Variants in PTPRM observed in about 807,000 individuals in gnomAD.
PTPRM encodes the protein receptor-type tyrosine-protein phosphatase mu.
PTPRM carries 47 observed loss-of-function variants against 186.7 expected under a neutral mutation model. The ratio of observed to expected loss-of-function variants is 0.25; its 90% CI spans 0.20 to 0.32. The LOEUF is 0.32. Ranked by LOEUF, PTPRM falls within the 10% of genes least tolerant of loss-of-function variation. The pLI, the probability that PTPRM is intolerant of heterozygous loss-of-function variation, is 1.00. For synonymous variants in PTPRM, 668 were observed against 674.9 expected (o/e 0.99, Z 0.16); for missense variants, 1,494 against 1,865.0 (o/e 0.80, Z 3.66).
chr18:7,802,233 C>G (rs998207975), intron 2 of PTPRM, among the ~76,000 whole-genome samples: 2 of 152,178 alleles, frequency 1.3e-5, no homozygotes, highest in African/African-American at 4.8e-5. Flanking sequence ...TCTGTTTGCT[C>G]AGGGTCCCGC....
intron 2 of PTPRM, among the ~76,000 whole-genome samples, chr18:7,862,541 G>A (rs1387384151): frequency 6.6e-6 from 1 of 152,098 alleles, no homozygotes; most frequent in Non-Finnish European, 1.5e-5. Flanking sequence ...CACCTCCCAG[G>A]GATTTCTCTG....
rs1235046826 is a variant in PTPRM at position 7,688,411 on chromosome 18, A to C, written c.74-85738A>C. On this transcript the variant is annotated intron_variant, in intron 1 of 32. Transcript: ENST00000580170. ...AGGAAAGATTCTGTGGGGGAAATACACAAGATGGTCCTTCCAGAAAAGCTG... is the reference window on the plus strand; with the variant it reads ...AGGAAAGATTCTGTGGGGGAAATACCCAAGATGGTCCTTCCAGAAAAGCTG... 3.3e-5 allele frequency among the ~76,000 whole-genome samples: 5 copies of C among 152,228 alleles called. No homozygotes were observed. In the South Asian group the frequency reaches 1.0e-3, roughly 32 times the overall value.
chr18:8,042,881 G>A (rs1464545847), intron 7 of PTPRM, among the ~76,000 whole-genome samples: 2 of 152,074 alleles, frequency 1.3e-5, no homozygotes, highest in Non-Finnish European at 2.9e-5. Flanking sequence ...TCTTGGTCCA[G>A]GCCTCATGTA....
At chr18:7,780,350 A>C (rs1316026270) in intron 2 of PTPRM, among the ~76,000 whole-genome samples, 1 of 152,180 alleles carries the variant, frequency 6.6e-6, no homozygotes, top group Non-Finnish European at 1.5e-5. Flanking sequence ...GACAGCCTTC[A>C]CTTTTGTTCT....
In PTPRM at chr18:7,578,332, ATT is replaced by A. The variant is rs34096793; in HGVS notation, c.73+10461_73+10462del. Among the ~76,000 whole-genome samples, 131 of 121,482 alleles carry A rather than the reference ATT, an allele frequency of 1.1e-3. 1 individual carries two copies. Among genetic ancestry groups the A allele is most frequent in the African/African-American group, 3.2e-3 (93 of 29,322 alleles). 79.7% of individuals were successfully genotyped at this position (121,482 alleles called of 152,430 possible). Reference sequence around the variant, plus strand: ...GTGCATCACCATGCCTGGCTAATTAATTTTTTTTTTTTTTTTTTTTTGAGACG... The same window carrying A: ...GTGCATCACCATGCCTGGCTAATTAATTTTTTTTTTTTTTTTTTTGAGACG... On this transcript the variant is annotated intron_variant, in intron 1 of 32. Transcript: ENST00000580170.
chr18:8,397,697 G>A (rs1677866657), intron 32 of PTPRM, among the ~76,000 whole-genome samples: 1 of 152,208 alleles, frequency 6.6e-6, no homozygotes, highest in Admixed American at 6.5e-5. Flanking sequence ...ATATTCAGAA[G>A]GAGTGCTGGC....
chr18:7,723,018 C>T (rs1197972133), intron 1 of PTPRM, among the ~76,000 whole-genome samples: 1 of 152,010 alleles, frequency 6.6e-6, no homozygotes, highest in Non-Finnish European at 1.5e-5. Context: ...TTCCAAGAAG[C>T]CAGCAACTCC....
At chr18:8,206,268 A>ATTTTTTTTTTTTTTTTTTTTTTTTTTT (rs1238112461) in intron 14 of PTPRM, among the ~76,000 whole-genome samples, 1 of 148,988 alleles carries the variant, frequency 6.7e-6, no homozygotes, top group African/African-American at 2.6e-5. Context: ...ATTTTATTTT[A>ATTTTTTTTTTTTTTTTTTTTTTTTTTT]TTTTGAGACG....
At chr18:8,324,875 C>T (rs773912856) in intron 22 of PTPRM, among the ~76,000 whole-genome samples, 7 of 152,220 alleles carry the variant, frequency 4.6e-5, no homozygotes, top group Non-Finnish European at 7.3e-5. Context: ...TATACTGCCT[C>T]CCATAGGTGA....
intron 2 of PTPRM, among the ~76,000 whole-genome samples, chr18:7,837,240 T>C (rs1392794204): frequency 2.0e-5 from 3 of 152,238 alleles, no homozygotes; most frequent in Non-Finnish European, 4.4e-5. Context: ...TATTTTCAAA[T>C]AGCTGGTCTT....
intron 26 of PTPRM, chr18:8,378,045 G>T: frequency 2.1e-6 from 1 of 479,520 alleles, no homozygotes; most frequent in East Asian, 3.4e-5. Flanking sequence ...TCATGGTGCT[G>T]CAGTGCGTGT....
chr18:7,769,160 A>T lies in PTPRM; in HGVS notation c.74-4989A>T, dbSNP rs770996487. ...TCTTCCCAGGGTTCTGGGAAGGAAG[A>T]TAGTTCTCTCTGAATTTAGGGTGAG... On this transcript the variant is annotated intron_variant, in intron 1 of 32. Transcript: ENST00000580170. Among the ~76,000 whole-genome samples, 47 of 152,106 alleles carry T rather than the reference A, an allele frequency of 3.1e-4. 1 individual carries two copies. Among genetic ancestry groups the T allele is most frequent in the Non-Finnish European group, 6.0e-4 (41 of 68,022 alleles).
intron 7 of PTPRM, among the ~76,000 whole-genome samples, chr18:7,981,161 G>GC (rs1206162192): frequency 6.6e-6 from 1 of 151,862 alleles, no homozygotes; most frequent in African/African-American, 2.4e-5. Flanking sequence ...CTACCTCTCT[G>GC]CCCCCCGCCC....
chr18:8,156,548 C>G (rs960653513), intron 14 of PTPRM, among the ~76,000 whole-genome samples: 6 of 152,096 alleles, frequency 3.9e-5, no homozygotes, highest in Admixed American at 2.0e-4. Flanking sequence ...GCTTAAGAAC[C>G]CAGCAGTTGG....
In PTPRM at chr18:8,406,109, G is replaced by A; in HGVS notation, c.4345G>A (p.Asp1449Asn). 6.2e-7 allele frequency: 1 copy of A among 1,614,130 alleles called. No homozygotes were observed. The highest frequency in any genetic ancestry group is 8.5e-7 in the Non-Finnish European group (1 of 1,179,998). ...GACACTTTCCCCTCCTGTTTTCCAG[G>A]ATCAGTACAAGTTCTGCTACGAGGT... is the stretch of plus-strand genomic sequence containing the variant. ...NNKPNMVDLLDQYKFCYEVAL... is the reference protein window; with the variant it reads ...NNKPNMVDLLNQYKFCYEVAL... The change falls in exon 33 of 33, where the codon GAT (aspartate) becomes AAT (asparagine). Residue 1449 changes from aspartate to asparagine, a missense_variant and splice_region_variant. Asp to Asn is a conservative substitution (Grantham distance 23). Around this residue, in one of 3 missense-constraint regions of PTPRM, gnomAD observed 1,107 missense variants for 1,350.2 expected, o/e 0.82. Transcript: ENST00000580170.
At chr18:8,041,809 T>G (rs923507672) in intron 7 of PTPRM, among the ~76,000 whole-genome samples, 1 of 152,214 alleles carries the variant, frequency 6.6e-6, no homozygotes, top group African/African-American at 2.4e-5. Flanking sequence ...TTATCTTTCA[T>G]TTATCAGCTA....
At chr18:8,261,416 T>C (rs543395310) in intron 19 of PTPRM, among the ~76,000 whole-genome samples, 49 of 152,218 alleles carry the variant, frequency 3.2e-4, no homozygotes, top group African/African-American at 1.1e-3. Context: ...CTTCTAGAAC[T>C]CTGAAATTTT....
intron 3 of PTPRM, among the ~76,000 whole-genome samples, chr18:7,893,344 G>A (rs1001556278): frequency 9.9e-5 from 15 of 152,112 alleles, no homozygotes; most frequent in Non-Finnish European, 1.6e-4. Context: ...CAGTAATCTG[G>A]CCTTTTAGTT....
At chr18:7,926,435 T>C in intron 4 of PTPRM, 133 bp from the exon 5 acceptor site, 1 of 522,436 alleles carries the variant, frequency 1.9e-6, no homozygotes, top group Non-Finnish European at 3.3e-6. Context: ...TTAAAGCTTA[T>C]ATAAGCAAAA....
Sources: allele counts gnomAD v4.1 joint callset (sites outside exome capture counted in the v4.1 genomes callset), GRCh38; gene constraint gnomAD v4.1.1; regional missense constraint gnomAD v4.1.1; transcripts MANE v1.5; gene names NCBI Gene and HGNC (gene_info 2026-07-23, HGNC 2026-07-21).